Variants in SYN2 observed in about 807,000 individuals in gnomAD.
SYN2 encodes synapsin-2.
Under a neutral mutation model 50.9 loss-of-function variants are expected in SYN2, and 19 were observed. The ratio of observed to expected loss-of-function variants is 0.37; its 90% CI spans 0.26 to 0.55. The LOEUF (loss-of-function observed/expected upper bound fraction) is 0.55. Among genes scored for constraint, SYN2 ranks in the 20% least tolerant of loss-of-function variants. SYN2 has a pLI of 0.81. For synonymous variants in SYN2, 255 were observed against 224.9 expected, an observed-to-expected ratio of 1.13 and a Z score of -1.20; for missense variants, 587 against 576.4, an observed-to-expected ratio of 1.02 and a Z score of -0.19.
chr3:12,185,433 G>A, intron 11 of SYN2: 2 of 985,782 alleles, frequency 2.0e-6, no homozygotes, highest in Non-Finnish European at 2.4e-6. Flanking sequence ...CTTTCAGGTG[G>A]GGGAGAAATT....
intron 1 of SYN2, among the ~76,000 whole-genome samples, chr3:12,069,780 T>A (rs2125167489): frequency 6.6e-6 from 1 of 151,980 alleles, no homozygotes; most frequent in Non-Finnish European, 1.5e-5. Flanking sequence ...TGTGATTTGG[T>A]ACCTCGGTTT....
intron 9 of SYN2, 59 bp downstream of exon 9, chr3:12,168,537 C>T: frequency 7.3e-7 from 1 of 1,374,056 alleles, no homozygotes; most frequent in Admixed American, 1.9e-5. Flanking sequence ...ATGTGGGCAG[C>T]TCAGACTGCC....
intron 1 of SYN2, among the ~76,000 whole-genome samples, chr3:12,065,335 C>G (rs1452829325): frequency 6.6e-6 from 1 of 151,996 alleles, no homozygotes; most frequent in East Asian, 1.9e-4. Context: ...CTATTGAACC[C>G]AGCAATCCCA....
chr3:12,029,855 T>TG (rs1694343399), intron 1 of SYN2, among the ~76,000 whole-genome samples: 1 of 102,692 alleles, frequency 9.7e-6, no homozygotes, highest in Non-Finnish European at 1.8e-5. Flanking sequence ...TTTTCCTAAT[T>TG]GAATACCCTT....
intron 1 of SYN2, among the ~76,000 whole-genome samples, chr3:12,061,437 C>A (rs1695111039): frequency 6.6e-6 from 1 of 152,008 alleles, no homozygotes. Flanking sequence ...CAAAAAAAGC[C>A]TATATTGTAC....
intron 10 of SYN2, among the ~76,000 whole-genome samples, chr3:12,170,276 A>G (rs1050686185): frequency 1.3e-5 from 2 of 152,192 alleles, no homozygotes; most frequent in Non-Finnish European, 2.9e-5. Context: ...CTTACTGTCT[A>G]TTCACTGCTT....
chr3:12,040,156 A>G (rs1020973155), intron 1 of SYN2, among the ~76,000 whole-genome samples: 2 of 152,192 alleles, frequency 1.3e-5, no homozygotes, highest in African/African-American at 4.8e-5. Context: ...TTGGATTTTC[A>G]TTAACTAGGA....
chr3:12,187,388 AG>A lies in SYN2; in HGVS notation c.1391del (p.Gly464GlufsTer80). The A allele has an allele frequency of 6.5e-7, 1 of 1,547,488 alleles. No homozygotes were observed. Among genetic ancestry groups the A allele is most frequent in the African/African-American group, 1.4e-5 (1 of 73,096 alleles). ...ACCTAGGGGGCCCTGGGCAACCCCA[AG>A]GAATGCAGCCCCCAGGCAAGGTGCT... ...PPQGGPGQPQ[G>X]MQPPGKVLPP... On this transcript the variant is annotated frameshift_variant, in exon 12 of 13. Transcript: ENST00000621198. LOFTEE classifies it high-confidence loss of function.
At chr3:12,035,336 A>C (rs1440244314) in intron 1 of SYN2, among the ~76,000 whole-genome samples, 1 of 152,208 alleles carries the variant, frequency 6.6e-6, no homozygotes. Context: ...CTCTCAGGCC[A>C]GAGTTGCACA....
intron 12 of SYN2, among the ~76,000 whole-genome samples, chr3:12,189,873 A>G (rs919930048): frequency 1.3e-5 from 2 of 152,196 alleles, no homozygotes; most frequent in Admixed American, 1.3e-4. Flanking sequence ...AAGCCAATAT[A>G]TTCTTTTGGA....
chr3:12,162,037 T>G lies in SYN2; in HGVS notation c.863T>G (p.Phe288Cys). 1.2e-6 allele frequency: 2 copies of G among 1,614,026 alleles called. No homozygotes were observed. Among genetic ancestry groups the G allele is most frequent in the Non-Finnish European group, 1.7e-6 (2 of 1,179,900 alleles). Reference sequence around the variant, plus strand: ...GTCAAAGTGGAAAACCACTACGACTTCCAGGACATTGCCAGCGTGGTGGCT... The same window carrying G: ...GTCAAAGTGGAAAACCACTACGACTGCCAGGACATTGCCAGCGTGGTGGCT... Reference protein sequence around the residue: ...GKVKVENHYDFQDIASVVALT... With the variant: ...GKVKVENHYDCQDIASVVALT... The change falls in exon 7 of 13, where the codon TTC becomes TGC. Residue 288 changes from phenylalanine to cysteine, a missense_variant. Physicochemically the swap from Phe to Cys is radical, Grantham distance 205. Transcript: ENST00000621198.
At chr3:12,166,858 G>A (rs1339814764) in intron 7 of SYN2, among the ~76,000 whole-genome samples, 1 of 152,196 alleles carries the variant, frequency 6.6e-6, no homozygotes, top group Non-Finnish European at 1.5e-5. Flanking sequence ...TGGTTTTCAG[G>A]CTTGTGGAAA....
At chr3:12,146,977 G>A (rs149981894) in intron 4 of SYN2, among the ~76,000 whole-genome samples, 1 of 152,220 alleles carries the variant, frequency 6.6e-6, no homozygotes, top group East Asian at 1.9e-4. Flanking sequence ...GGAAAGTGAG[G>A]CCCCCTTCCC....
chr3:12,157,938 T>C (rs1386793353), intron 5 of SYN2, among the ~76,000 whole-genome samples: 1 of 152,240 alleles, frequency 6.6e-6, no homozygotes, highest in African/African-American at 2.4e-5. Flanking sequence ...ACTGAGGTAT[T>C]GCATCTCTTG....
chr3:12,119,669 CCTTT>C (rs1324314136), intron 1 of SYN2, among the ~76,000 whole-genome samples: 4 of 152,232 alleles, frequency 2.6e-5, no homozygotes, highest in Admixed American at 6.5e-5. Flanking sequence ...TTCCAGAAAC[CCTTT>C]CTTTTAGTCA....
At chr3:12,056,503 A>C (rs6803216) in intron 1 of SYN2, among the ~76,000 whole-genome samples, 14,925 of 152,060 alleles carry the variant, frequency 0.098, 2,433 homozygotes, top group African/African-American at 0.34. Flanking sequence ...TTTCTGTTGT[A>C]TGAACAAGAG....
chr3:12,044,300 G>T (rs973515019), intron 1 of SYN2, among the ~76,000 whole-genome samples: 7 of 151,890 alleles, frequency 4.6e-5, no homozygotes, highest in Non-Finnish European at 4.4e-5. Flanking sequence ...AAAAAAGAAT[G>T]AAATGCTTCC....
intron 1 of SYN2, among the ~76,000 whole-genome samples, chr3:12,048,862 G>T (rs549092400): frequency 6.6e-6 from 1 of 152,298 alleles, no homozygotes; most frequent in East Asian, 1.9e-4. Flanking sequence ...GATAATCACT[G>T]TACTGGAATT....
chr3:12,185,214 GA>G, intron 11 of SYN2: 4 of 985,824 alleles, frequency 4.1e-6, no homozygotes, highest in Non-Finnish European at 4.8e-6. Flanking sequence ...CCAATCTGAT[GA>G]AACGATAGAA....
Sources: gnomAD v4.1 joint callset for allele counts (sites outside exome capture counted in the v4.1 genomes callset) on GRCh38, gnomAD v4.1.1 for gene constraint, MANE v1.5 for transcripts, NCBI Gene and HGNC (gene_info 2026-07-23, HGNC 2026-07-21) for gene names.